APBA1: variants seen among roughly 807,000 people sequenced by gnomAD.
APBA1 encodes amyloid beta precursor protein binding family A member 1, also known as amyloid-beta A4 precursor protein-binding family A member 1.
A neutral mutation model predicts 86.6 loss-of-function variants in APBA1; 55 were observed. That is an observed-to-expected ratio of 0.64 (90% confidence interval 0.51 to 0.80). The LOEUF is 0.80. Among genes scored for constraint, APBA1 ranks in the 30% least tolerant of loss-of-function variants. The pLI, the probability that APBA1 is intolerant of heterozygous loss-of-function variation, is 0.00. For synonymous variants in APBA1, 511 were observed against 493.9 expected, an observed-to-expected ratio of 1.03 and a Z score of -0.46; for missense variants, 1,090 against 1,183.0, an observed-to-expected ratio of 0.92 and a Z score of 1.15.
Position 69,476,147 on chromosome 9 carries a change from G to GA in APBA1, c.1201-5dup. On this transcript the variant is annotated splice_region_variant and splice_polypyrimidine_tract_variant and intron_variant, in intron 2 of 12. Transcript: ENST00000265381. ...AGGAGCTGCCAGGAGACGGAGACTA[G>GA]AACACAGCAAGAGGAAACACAGTGA... 5 of 1,608,172 alleles carry GA rather than the reference G, an allele frequency of 3.1e-6. No individual in the cohort carries two copies. The highest frequency in any genetic ancestry group is 3.4e-6 in the Non-Finnish European group (4 of 1,175,418).
chr9:69,584,248 T>C (rs1226423268), intron 1 of APBA1, among the ~76,000 whole-genome samples: 1 of 152,246 alleles, frequency 6.6e-6, no homozygotes, highest in Non-Finnish European at 1.5e-5. Flanking sequence ...AAAGTATATT[T>C]ATCATACTGT....
chr9:69,558,829 T>C (rs12001803), intron 1 of APBA1, among the ~76,000 whole-genome samples: 16,847 of 152,086 alleles, frequency 0.11, 1,375 homozygotes, highest in African/African-American at 0.22. Context: ...CAACATACAG[T>C]ATTTGATTTT....
chr9:69,467,646 C>A (rs1835299499), intron 5 of APBA1, among the ~76,000 whole-genome samples, 177 bp downstream of exon 5: 1 of 152,192 alleles, frequency 6.6e-6, no homozygotes, highest in African/African-American at 2.4e-5. Context: ...TATAAAGACT[C>A]CAGTAGATTT....
chr9:69,451,229 C>A (rs934567450), intron 9 of APBA1, among the ~76,000 whole-genome samples: 2 of 152,166 alleles, frequency 1.3e-5, no homozygotes, highest in East Asian at 1.9e-4. Context: ...GGGACCACAC[C>A]CTTACTTGGT....
intron 1 of APBA1, among the ~76,000 whole-genome samples, chr9:69,525,542 C>A (rs1303841058): frequency 6.6e-6 from 1 of 151,564 alleles, no homozygotes; most frequent in African/African-American, 2.4e-5. Context: ...GAATAACAAT[C>A]TCTACAAGGA....
intron 11 of APBA1, among the ~76,000 whole-genome samples, chr9:69,435,874 T>C (rs1834707148): frequency 6.6e-6 from 1 of 152,240 alleles, no homozygotes; most frequent in African/African-American, 2.4e-5. Flanking sequence ...CCCATGCCTA[T>C]GTCCTGAATG....
At chr9:69,580,755 C>A (rs1821898903) in intron 1 of APBA1, among the ~76,000 whole-genome samples, 1 of 152,172 alleles carries the variant, frequency 6.6e-6, no homozygotes, top group African/African-American at 2.4e-5. Context: ...ACTGATTGAG[C>A]CTACAGAATC....
intron 9 of APBA1, among the ~76,000 whole-genome samples, chr9:69,451,686 C>A (rs1166180304): frequency 6.6e-6 from 1 of 152,198 alleles, no homozygotes; most frequent in Non-Finnish European, 1.5e-5. Context: ...TTTGAAGCCA[C>A]AGGCCATCCC....
Position 69,431,176 on chromosome 9 carries a change from G to T in APBA1, c.*151C>A. 3 of 504,408 alleles carry T rather than the reference G, an allele frequency of 5.9e-6. No individual in the cohort carries two copies. The highest frequency in any genetic ancestry group is 1.1e-5 in the Non-Finnish European group (3 of 281,954). 31.2% of individuals were successfully genotyped at this position (504,408 alleles called of 1,614,324 possible). ...AAAAAAAAAAAGCAAATCGGAGAGA[G>T]TAAAGAGGTCCTTGTGGATTCTTCT... On this transcript the variant is annotated 3_prime_UTR_variant, in exon 13 of 13. Transcript: ENST00000265381.
chr9:69,431,538 G>C, intron 12 of APBA1, 140 bp from the exon 13 acceptor site: 1 of 672,800 alleles, frequency 1.5e-6, no homozygotes, highest in Non-Finnish European at 2.5e-6. Context: ...CCACCACCAG[G>C]GACCTGACCC....
chr9:69,572,239 C>T (rs749527874), intron 1 of APBA1, among the ~76,000 whole-genome samples: 6 of 152,180 alleles, frequency 3.9e-5, no homozygotes, highest in Non-Finnish European at 7.3e-5. Flanking sequence ...GCTCTCCCAA[C>T]GTGTGCCGTC....
At chr9:69,446,493 A>C (rs868116626) in intron 10 of APBA1, among the ~76,000 whole-genome samples, 1 of 152,174 alleles carries the variant, frequency 6.6e-6, no homozygotes, top group Non-Finnish European at 1.5e-5. Flanking sequence ...GATTACATTT[A>C]TAGACATCAA....
chr9:69,502,999 T>C (rs143240744), intron 2 of APBA1, among the ~76,000 whole-genome samples: 55 of 152,288 alleles, frequency 3.6e-4, no homozygotes, highest in African/African-American at 1.3e-3. Context: ...TTTACTCTTA[T>C]GTGTGTCACA....
intron 1 of APBA1, among the ~76,000 whole-genome samples, chr9:69,532,928 C>T (rs886294922): frequency 1.3e-5 from 2 of 152,186 alleles, no homozygotes; most frequent in African/African-American, 4.8e-5. Context: ...ATACTTCATA[C>T]ATAATTGTGT....
At chr9:69,588,705 T>G (rs1822070681) in intron 1 of APBA1, among the ~76,000 whole-genome samples, 1 of 152,202 alleles carries the variant, frequency 6.6e-6, no homozygotes, top group Admixed American at 6.5e-5. Flanking sequence ...ATCACGATTA[T>G]GGCAACTAAT....
intron 1 of APBA1, among the ~76,000 whole-genome samples, chr9:69,660,329 C>A (rs1266256301): frequency 6.6e-6 from 1 of 152,176 alleles, no homozygotes; most frequent in Non-Finnish European, 1.5e-5. Context: ...GGAGTTCTGG[C>A]CCCCATGTTA....
At chr9:69,665,330 C>A (rs1219307580) in intron 1 of APBA1, among the ~76,000 whole-genome samples, 1 of 152,204 alleles carries the variant, frequency 6.6e-6, no homozygotes, top group Non-Finnish European at 1.5e-5. Context: ...CTCACTTGTG[C>A]TTCTTGAGGT....
At chr9:69,440,330 G>A (rs1399720671) in intron 11 of APBA1, among the ~76,000 whole-genome samples, 1 of 152,226 alleles carries the variant, frequency 6.6e-6, no homozygotes, top group Non-Finnish European at 1.5e-5. Flanking sequence ...GGACATTTAA[G>A]TCTGTAGAGG....
intron 11 of APBA1, among the ~76,000 whole-genome samples, chr9:69,434,803 TTATTAG>T (rs1834672743): frequency 6.6e-6 from 1 of 152,110 alleles, no homozygotes; most frequent in African/African-American, 2.4e-5. Context: ...GTTTTTATTA[TTATTAG>T]TATACTTTAA....
Sources: allele counts gnomAD v4.1 joint callset (sites outside exome capture counted in the v4.1 genomes callset), GRCh38; gene constraint gnomAD v4.1.1; transcripts MANE v1.5; gene names NCBI Gene and HGNC (gene_info 2026-07-23, HGNC 2026-07-21).